The following MRS2 variants were observed in gnomAD, a reference collection of about 807,000 sequenced individuals.
The protein encoded by MRS2 is magnesium transporter MRS2.
Under a neutral mutation model 52.6 loss-of-function variants are expected in MRS2, and 40 were observed. The ratio of observed to expected loss-of-function variants is 0.76; its 90% CI spans 0.59 to 0.99. MRS2 has a LOEUF of 0.99. MRS2 is among the 50% of genes least tolerant of loss of function. MRS2 has a pLI of 0.00. For synonymous variants in MRS2, 193 were observed against 195.9 expected, an observed-to-expected ratio of 0.98 and a Z score of 0.13; for missense variants, 472 against 532.7, an observed-to-expected ratio of 0.89 and a Z score of 1.12.
intron 5 of MRS2, among the ~76,000 whole-genome samples, chr6:24,414,685 C>T (rs1390052878): frequency 7.9e-5 from 12 of 152,170 alleles, no homozygotes; most frequent in African/African-American, 2.4e-4. Flanking sequence ...GACGGGGTGG[C>T]GGCTGGGCAG....
intron 4 of MRS2, among the ~76,000 whole-genome samples, chr6:24,409,958 A>C (rs960307962): frequency 1.3e-5 from 2 of 152,198 alleles, no homozygotes; most frequent in Non-Finnish European, 2.9e-5. Flanking sequence ...CTGGCTTTCT[A>C]AATAGCACAG....
intron 9 of MRS2, among the ~76,000 whole-genome samples, chr6:24,419,996 T>C (rs1337888462): frequency 6.6e-6 from 1 of 152,216 alleles, no homozygotes; most frequent in Admixed American, 6.5e-5. Context: ...TCACCTCCCA[T>C]TAGGACCACT....
At position 24,421,681 on chromosome 6, in the gene MRS2, C is replaced by T. The variant is rs113687238; in HGVS notation, c.1108-1256C>T. The stretch of plus-strand genomic sequence containing the variant: ...GAACAAATGTGATGTTCCTTTACTC[C>T]TAAATGTCTTAATACGTATTTCCTA... On this transcript the variant is annotated intron_variant, in intron 9 of 10. Transcript: ENST00000378386. 4.6e-3 allele frequency among the ~76,000 whole-genome samples: 703 copies of T among 152,260 alleles called. 6 individuals are homozygous for T. Among genetic ancestry groups the T allele is most frequent in the African/African-American group, 0.016 (670 of 41,538 alleles).
Position 24,416,390 on chromosome 6 carries a change from C to G in MRS2, c.720-7C>G. Reference sequence around the variant, plus strand: ...ATTGATCATTTTTGTGTATCTATTTCTTATAGTCTATCAGAGTTAGAAACA... The same window carrying G: ...ATTGATCATTTTTGTGTATCTATTTGTTATAGTCTATCAGAGTTAGAAACA... On this transcript the variant is annotated splice_polypyrimidine_tract_variant and splice_region_variant and intron_variant, in intron 6 of 10. Coordinates refer to ENST00000378386, the MANE Select transcript of MRS2 (RefSeq NM_020662.4). 1 of 1,123,720 alleles carries G rather than the reference C, an allele frequency of 8.9e-7. No homozygotes were observed. The highest frequency in any genetic ancestry group is 1.3e-6 in the Non-Finnish European group (1 of 744,374). The allele number at this position is 1,123,720 out of a possible 1,614,324, so 69.6% of individuals were successfully genotyped here.
At chr6:24,404,118 A>G (rs560378325) in intron 1 of MRS2, among the ~76,000 whole-genome samples, 4 of 152,332 alleles carry the variant, frequency 2.6e-5, no homozygotes, top group Admixed American at 2.6e-4. Flanking sequence ...TGTGCTCTCA[A>G]AAGCCTCCCA....
intron 6 of MRS2, among the ~76,000 whole-genome samples, chr6:24,415,377 CA>C (rs1388640936): frequency 2.0e-5 from 3 of 152,110 alleles, no homozygotes; most frequent in Non-Finnish European, 2.9e-5. Flanking sequence ...TCTCATCACC[CA>C]TTCAATAGTT....
At chr6:24,423,345 T>G in intron 10 of MRS2, 1 of 481,684 alleles carries the variant, frequency 2.1e-6, no homozygotes, top group Non-Finnish European at 3.7e-6. Flanking sequence ...TGTTAGTAAT[T>G]CTGGTATAAG....
intron 10 of MRS2, 100 bp from the exon 11 acceptor site, chr6:24,423,484 T>G: frequency 1.6e-6 from 1 of 615,700 alleles, no homozygotes; most frequent in Non-Finnish European, 2.8e-6. Context: ...CTGATACTGC[T>G]TATAGTCCTT....
At position 24,409,630 on chromosome 6, in the gene MRS2, TCTAA is replaced by T. The variant is rs1413665151; in HGVS notation, c.414+61_414+64del. 13 of 1,082,318 alleles carry T rather than the reference TCTAA, an allele frequency of 1.2e-5. No individual in the cohort carries two copies. The East Asian group carries it at 2.4e-4, about 20-fold the overall frequency. The allele number at this position is 1,082,318 out of a possible 1,614,324, so 67.0% of individuals were successfully genotyped here. On this transcript the variant is annotated intron_variant, in intron 4 of 10. Coordinates refer to ENST00000378386, the MANE Select transcript of MRS2 (RefSeq NM_020662.4). ...CAATACAATCTTATAAAAGTTACCT[TCTAA>T]CTATCTTGATTAGTATCTAGGTTAA... is the stretch of plus-strand genomic sequence containing the variant.
Position 24,425,451 on chromosome 6 carries a change from G to T in MRS2, c.*1757G>T, listed in dbSNP as rs1028265609. 6.6e-5 allele frequency: 10 copies of T among 152,232 alleles called. No individual in the cohort carries two copies. The highest frequency in any genetic ancestry group is 2.0e-4 in the Admixed American group (3 of 15,276). The allele number at this position is 152,232 out of a possible 1,614,324, so 9.4% of individuals were successfully genotyped here. A position where few individuals can be genotyped will look rare whatever the true frequency, so the allele number is the denominator to read the frequency against. The stretch of plus-strand genomic sequence containing the variant: ...CTCATAAGTCTGATAAAAGGAAGTT[G>T]CTAGTGTTTTATAGAATTTCTGAAG... On this transcript the variant is annotated 3_prime_UTR_variant, in exon 11 of 11. Transcript: ENST00000378386.
chr6:24,416,616 C>T (rs1761858617), intron 7 of MRS2, 103 bp downstream of exon 7: 1 of 730,184 alleles, frequency 1.4e-6, no homozygotes, highest in Non-Finnish European at 2.4e-6. Flanking sequence ...TTTTTCTGGA[C>T]TACAGAATAT....
intron 5 of MRS2, among the ~76,000 whole-genome samples, chr6:24,412,829 T>A (rs1035904951): frequency 1.2e-4 from 19 of 152,290 alleles, no homozygotes; most frequent in Non-Finnish European, 7.4e-5. Context: ...GGTGGTTCTC[T>A]GCTTCCCTGA....
chr6:24,424,202 A>G lies in MRS2; in HGVS notation c.*508A>G, dbSNP rs1762151495. 7.0e-6 allele frequency: 1 copy of G among 143,020 alleles called. No homozygotes were observed. Among genetic ancestry groups the G allele is most frequent in the South Asian group, 2.3e-4 (1 of 4,424 alleles). 8.9% of individuals were successfully genotyped at this position (143,020 alleles called of 1,614,324 possible). On this transcript the variant is annotated 3_prime_UTR_variant, in exon 11 of 11. Transcript: ENST00000378386. Reference sequence around the variant, plus strand: ...AAAAACCAAACTTTGACATAACCTTATTTCTTGTATTTGCCCCCTTTTTTT... The same window carrying G: ...AAAAACCAAACTTTGACATAACCTTGTTTCTTGTATTTGCCCCCTTTTTTT...
At position 24,412,341 on chromosome 6, in the gene MRS2, T is replaced by TA. The variant is rs1761695354; in HGVS notation, c.535dup (p.Thr179AsnfsTer7). On this transcript the variant is annotated frameshift_variant, in exon 5 of 11. Transcript: ENST00000378386. LOFTEE classifies it high-confidence loss of function. Reference sequence around the variant, plus strand: ...AGTTGTCTGGAGAGGGTCAACTCGTTACATACCCTTTACCTTTTGAGTTTA... The same window carrying TA: ...AGTTGTCTGGAGAGGGTCAACTCGTTAACATACCCTTTACCTTTTGAGTTTA... 1.3e-6 allele frequency: 2 copies of TA among 1,598,618 alleles called. No individual in the cohort carries two copies. The highest frequency in any genetic ancestry group is 4.6e-5 in the East Asian group (2 of 43,948).
At chr6:24,403,319 C>CAACAG in intron 1 of MRS2, 83 bp downstream of exon 1, 1 of 1,352,130 alleles carries the variant, frequency 7.4e-7, no homozygotes, top group African/African-American at 1.5e-5. Context: ...CGGCGCGGCG[C>CAACAG]GCCTGTTGCT....
At chr6:24,407,043 T>C (rs960694118) in intron 2 of MRS2, among the ~76,000 whole-genome samples, 2 of 151,970 alleles carry the variant, frequency 1.3e-5, no homozygotes, top group African/African-American at 4.8e-5. Context: ...ATATTCAGCA[T>C]ATGTTGCTAA....
chr6:24,422,823 G>A lies in MRS2; in HGVS notation c.1108-114G>A, dbSNP rs60432845. 276 of 617,490 alleles carry A rather than the reference G, an allele frequency of 4.5e-4. 1 individual carries two copies. In the African/African-American group the frequency reaches 4.9e-3, roughly 11 times the overall value. The allele number at this position is 617,490 out of a possible 1,614,324, so 38.3% of individuals were successfully genotyped here. On this transcript the variant is annotated intron_variant, in intron 9 of 10. Transcript: ENST00000378386. Reference sequence around the variant, plus strand: ...TTGTTTTTCTTAGTTCCTTTCTACAGGAAAGAGCTGTACAAATAACATAAG... The same window carrying A: ...TTGTTTTTCTTAGTTCCTTTCTACAAGAAAGAGCTGTACAAATAACATAAG...
intron 7 of MRS2, among the ~76,000 whole-genome samples, chr6:24,417,282 T>C (rs1473070813): frequency 2.0e-5 from 3 of 152,230 alleles, no homozygotes; most frequent in African/African-American, 4.8e-5. Flanking sequence ...TCAGAGTACT[T>C]CATTCCCCCT....
intron 2 of MRS2, among the ~76,000 whole-genome samples, chr6:24,407,639 G>A (rs1761521413): frequency 1.3e-5 from 2 of 152,268 alleles, no homozygotes; most frequent in South Asian, 4.1e-4. Context: ...CAAACTATCA[G>A]AAGGGGTTCT....
Sources: gnomAD v4.1 joint callset for allele counts (sites outside exome capture counted in the v4.1 genomes callset) on GRCh38, gnomAD v4.1.1 for gene constraint, MANE v1.5 for transcripts, NCBI Gene and HGNC (gene_info 2026-07-23, HGNC 2026-07-21) for gene names.